The following SNX29 variants were observed in gnomAD, a reference collection of about 807,000 sequenced individuals.
The protein encoded by SNX29 is sorting nexin-29.
A neutral mutation model predicts 102.1 loss-of-function variants in SNX29; 78 were observed. That is an observed-to-expected ratio of 0.76 (90% CI 0.64 to 0.92). The LOEUF (loss-of-function observed/expected upper bound fraction) is 0.92, where lower values mean the gene tolerates loss of function less well. Among genes scored for constraint, SNX29 ranks in the 40% least tolerant of loss-of-function variants. The pLI is 0.00. For synonymous variants in SNX29, 580 were observed against 414.5 expected (o/e 1.40, Z -4.85); for missense variants, 1,280 against 1,061.7 (o/e 1.21, Z -2.86).
intron 13 of SNX29, among the ~76,000 whole-genome samples, chr16:12,156,053 C>T (rs1453774294): frequency 6.6e-6 from 1 of 152,240 alleles, no homozygotes. Flanking sequence ...TTTGCTGTTC[C>T]TTAACGTGCG....
At chr16:12,031,509 C>T in intron 4 of SNX29, among the ~76,000 whole-genome samples, 1 of 151,198 alleles carries the variant, frequency 6.6e-6, no homozygotes, top group Non-Finnish European at 1.5e-5. Context: ...TCTATTCTCT[C>T]TTAAAAAAAA....
chr16:12,336,286 C>G (rs1231695577), intron 15 of SNX29, among the ~76,000 whole-genome samples: 5 of 152,178 alleles, frequency 3.3e-5, no homozygotes, highest in Admixed American at 6.5e-5. Flanking sequence ...AGAATAGACT[C>G]TCTGCTCAGC....
chr16:12,378,253 G>A (rs2082948180), intron 16 of SNX29, among the ~76,000 whole-genome samples: 1 of 152,188 alleles, frequency 6.6e-6, no homozygotes, highest in Non-Finnish European at 1.5e-5. Context: ...ACTCGTGGCA[G>A]CAGAAGGCAG....
intron 20 of SNX29, among the ~76,000 whole-genome samples, chr16:12,529,856 A>T (rs1378509418): frequency 6.6e-6 from 1 of 152,224 alleles, no homozygotes; most frequent in Non-Finnish European, 1.5e-5. Flanking sequence ...GTCACTGCTA[A>T]CAGGAAGTAG....
chr16:12,124,277 A>T (rs1189609185), intron 11 of SNX29, among the ~76,000 whole-genome samples: 1 of 149,390 alleles, frequency 6.7e-6, no homozygotes, highest in Non-Finnish European at 1.5e-5. Context: ...AATCACTTGA[A>T]CCCTGGAGGC....
chr16:12,318,290 G>A (rs565876375), intron 15 of SNX29, among the ~76,000 whole-genome samples: 1 of 152,334 alleles, frequency 6.6e-6, no homozygotes, highest in East Asian at 1.9e-4. Context: ...GCCTTGATCA[G>A]GCTGGTTTTT....
chr16:12,211,416 C>T (rs1596519047), intron 14 of SNX29, among the ~76,000 whole-genome samples: 1 of 152,168 alleles, frequency 6.6e-6, no homozygotes, highest in South Asian at 2.1e-4. Context: ...GCTTTCCCTG[C>T]AGCTTTTTTC....
intron 16 of SNX29, among the ~76,000 whole-genome samples, chr16:12,385,635 C>G (rs2083314623): frequency 6.6e-6 from 1 of 152,198 alleles, no homozygotes. Context: ...CTGTGTGCAT[C>G]AGCTGTCCCC....
chr16:12,007,134 C>G (rs1164196769), intron 3 of SNX29, among the ~76,000 whole-genome samples: 3 of 152,172 alleles, frequency 2.0e-5, no homozygotes, highest in Non-Finnish European at 4.4e-5. Context: ...CCTGGTCTTA[C>G]CTTTGAAATG....
rs972411894 is a variant in SNX29 at position 12,269,878 on chromosome 16, T to C, written c.1679-8055T>C. On this transcript the variant is annotated intron_variant, in intron 14 of 20. Transcript: ENST00000566228. Reference sequence around the variant, plus strand: ...CATCATCATTATTATTATTATTATTTGAGATGGGGTCTCACTCTGTTGCCC... The same window carrying C: ...CATCATCATTATTATTATTATTATTCGAGATGGGGTCTCACTCTGTTGCCC... 2.0e-5 allele frequency among the ~76,000 whole-genome samples: 3 copies of C among 146,998 alleles called. No individual in the cohort carries two copies. The Admixed American group carries it at 2.1e-4, about 10-fold the overall frequency.
Position 12,570,718 on chromosome 16 carries a change from T to G in SNX29, c.*2089T>G, listed in dbSNP as rs1455479034. 4.3e-6 allele frequency: 1 copy of G among 232,122 alleles called. No individual in the cohort carries two copies. The highest frequency in any genetic ancestry group is 8.5e-6 in the Non-Finnish European group (1 of 117,468). 14.4% of individuals were successfully genotyped at this position (232,122 alleles called of 1,614,324 possible). A position where few individuals can be genotyped will look rare whatever the true frequency, so the allele number is the denominator to read the frequency against. On this transcript the variant is annotated 3_prime_UTR_variant, in exon 21 of 21. Transcript: ENST00000566228. ...CTGCCCCCAAAGCACAGGATGTGAA[T>G]TGGTCTCTCTCCAGATACCCCACGA... is the stretch of plus-strand genomic sequence containing the variant.
Position 12,098,989 on chromosome 16 carries a change from T to G in SNX29, c.1402+20074T>G, listed in dbSNP as rs1048997668. On this transcript the variant is annotated intron_variant, in intron 11 of 20. Coordinates refer to ENST00000566228, the MANE Select transcript of SNX29 (RefSeq NM_032167.5). This position sits in a 1 kb window ranked among gnomAD's most constrained non-coding sequence, Gnocchi z 6.0. ...AGCAGAGAGTACGGGACAGAAAGAG[T>G]GAGGGTGGGAACTGGGGAGTGGGGA... 6.6e-6 allele frequency among the ~76,000 whole-genome samples: 1 copy of G among 150,852 alleles called. No homozygotes were observed. Among genetic ancestry groups the G allele is most frequent in the Non-Finnish European group, 1.5e-5 (1 of 67,714 alleles).
intron 20 of SNX29, among the ~76,000 whole-genome samples, chr16:12,525,691 C>A (rs1257667581): frequency 3.8e-5 from 4 of 104,210 alleles, no homozygotes; most frequent in South Asian, 4.7e-4. Context: ...GACTCCACGC[C>A]CCCCCCACCC....
At chr16:12,158,999 C>T (rs1039969996) in intron 13 of SNX29, among the ~76,000 whole-genome samples, 1 of 152,222 alleles carries the variant, frequency 6.6e-6, no homozygotes, top group Non-Finnish European at 1.5e-5. Context: ...TTGTAACACA[C>T]CTGCCTGTTA....
chr16:12,548,724 A>T (rs2859789), intron 20 of SNX29, among the ~76,000 whole-genome samples: 2 of 151,916 alleles, frequency 1.3e-5, no homozygotes, highest in Non-Finnish European at 2.9e-5. Flanking sequence ...GGAGGGGTAC[A>T]TCCAGGGCTC....
At chr16:12,102,389 T>A (rs911052137) in intron 11 of SNX29, among the ~76,000 whole-genome samples, 1 of 152,238 alleles carries the variant, frequency 6.6e-6, no homozygotes, top group Admixed American at 6.5e-5. Context: ...ACTAACAGTG[T>A]AAAAGCATTT....
chr16:12,341,926 G>A (rs1395053593), intron 15 of SNX29, among the ~76,000 whole-genome samples: 1 of 152,162 alleles, frequency 6.6e-6, no homozygotes, highest in African/African-American at 2.4e-5. Context: ...TAGTGACTCC[G>A]TAGCTGCCAG....
At chr16:12,043,251 T>A (rs534752643) in intron 5 of SNX29, among the ~76,000 whole-genome samples, 174 bp downstream of exon 5, 1 of 152,234 alleles carries the variant, frequency 6.6e-6, no homozygotes, top group South Asian at 2.1e-4. Flanking sequence ...GGGAGAATCA[T>A]TGAGAGACTG....
Position 12,052,257 on chromosome 16 carries a change from C to T in SNX29, c.1124+35C>T, listed in dbSNP as rs1382901567. On this transcript the variant is annotated intron_variant, in intron 8 of 20. Transcript: ENST00000566228. ...TGTGTAAGGTGGAGTCTCACCGTCC[C>T]CCAGGCTGGAGTGCCGTGGCGTGAT... The T allele has an allele frequency of 3.1e-6, 5 of 1,611,074 alleles. No homozygotes were observed. The African/African-American group carries it at 4.0e-5, about 13-fold the overall frequency.
Sources: allele counts gnomAD v4.1 joint callset (sites outside exome capture counted in the v4.1 genomes callset), GRCh38; gene constraint gnomAD v4.1.1; non-coding constraint Gnocchi (gnomAD v3.1); transcripts MANE v1.5; gene names NCBI Gene and HGNC (gene_info 2026-07-23, HGNC 2026-07-21).